The following WDFY2 variants were observed in gnomAD, a reference collection of about 807,000 sequenced individuals.
WDFY2 encodes WD repeat and FYVE domain-containing protein 2.
WDFY2 carries 36 observed loss-of-function variants against 56.4 expected under a neutral mutation model. The ratio of observed to expected loss-of-function variants is 0.64; its 90% CI spans 0.49 to 0.84. WDFY2 has a LOEUF of 0.84. Ranked by LOEUF, WDFY2 falls within the 40% of genes least tolerant of loss-of-function variation. The pLI is 0.00. For synonymous variants in WDFY2, 176 were observed against 183.7 expected (o/e 0.96, Z 0.34); for missense variants, 444 against 512.2 (o/e 0.87, Z 1.29).
intron 1 of WDFY2, among the ~76,000 whole-genome samples, chr13:51,657,554 C>T (rs1308792120): frequency 3.3e-5 from 5 of 152,310 alleles, no homozygotes; most frequent in South Asian, 2.1e-4. Context: ...ATAGAGAATT[C>T]ATCTGTCTTA....
chr13:51,653,958 C>T (rs1955457190), intron 1 of WDFY2, among the ~76,000 whole-genome samples: 1 of 152,212 alleles, frequency 6.6e-6, no homozygotes, highest in African/African-American at 2.4e-5. Context: ...TGTAAGTCTG[C>T]AGAGGTTTCT....
intron 1 of WDFY2, among the ~76,000 whole-genome samples, chr13:51,624,264 T>G (rs947009950): frequency 6.6e-6 from 1 of 152,228 alleles, no homozygotes; most frequent in Non-Finnish European, 1.5e-5. Flanking sequence ...ACTGATTATT[T>G]ATAGTTAAAT....
chr13:51,584,888 G>GT (rs1445424683), intron 1 of WDFY2, 64 bp downstream of exon 1: 6 of 1,595,438 alleles, frequency 3.8e-6, no homozygotes, highest in Non-Finnish European at 1.7e-6. Flanking sequence ...TCGAGCCCGC[G>GT]TCAGGGGCTG....
At chr13:51,724,082 T>C (rs1340302933) in intron 5 of WDFY2, among the ~76,000 whole-genome samples, 1 of 152,012 alleles carries the variant, frequency 6.6e-6, no homozygotes, top group Non-Finnish European at 1.5e-5. Context: ...TTTTGAGCAC[T>C]ATTATGAAAT....
At chr13:51,706,322 T>C (rs1952081709) in intron 4 of WDFY2, among the ~76,000 whole-genome samples, 1 of 152,178 alleles carries the variant, frequency 6.6e-6, no homozygotes, top group Non-Finnish European at 1.5e-5. Context: ...GATACACATA[T>C]AATCTGTCAT....
intron 2 of WDFY2, among the ~76,000 whole-genome samples, chr13:51,669,692 A>C (rs1955773869): frequency 3.9e-5 from 6 of 152,216 alleles, no homozygotes; most frequent in Admixed American, 3.3e-4. Context: ...AGGAAGCTAG[A>C]ATATAACATC....
chr13:51,611,394 AAAG>A (rs1954501088), intron 1 of WDFY2, among the ~76,000 whole-genome samples: 1 of 152,256 alleles, frequency 6.6e-6, no homozygotes, highest in African/African-American at 2.4e-5. Flanking sequence ...TTTTTTAAAA[AAAG>A]AATATCCTTT....
chr13:51,600,666 C>T (rs1954257282), intron 1 of WDFY2, among the ~76,000 whole-genome samples: 1 of 152,046 alleles, frequency 6.6e-6, no homozygotes, highest in Non-Finnish European at 1.5e-5. Context: ...AGTCATGTTG[C>T]AGGGATATGG....
rs554479139 is a variant in WDFY2, at chr13:51,653,246, T to G, written c.138-7350T>G. On this transcript the variant is annotated intron_variant, in intron 1 of 11. Coordinates refer to ENST00000298125, the MANE Select transcript of WDFY2 (RefSeq NM_052950.4). Reference sequence around the variant, plus strand: ...TCACGTAGTTCTCGTGCCGTGGTTTTCAGCTCCATCAGGTCCTTTAAGGAC... The same window carrying G: ...TCACGTAGTTCTCGTGCCGTGGTTTGCAGCTCCATCAGGTCCTTTAAGGAC... Among the ~76,000 whole-genome samples, 464 of 152,348 alleles carry G rather than the reference T, an allele frequency of 3.0e-3. 3 individuals carry two copies. The highest frequency in any genetic ancestry group is 5.0e-3 in the Non-Finnish European group (343 of 68,030).
intron 4 of WDFY2, among the ~76,000 whole-genome samples, chr13:51,710,871 A>G (rs11616240): frequency 0.039 from 5,930 of 152,228 alleles, 134 homozygotes; most frequent in Middle Eastern, 0.068. Flanking sequence ...GCCCAGGGTA[A>G]TTTATATATT....
Position 51,758,184 on chromosome 13 carries a change from C to T in WDFY2, c.1065-8C>T. ...TTTCCCCTCAGAAGCTTTCTTTGCTCCTTCTAGACGTGCACCCACAGCCAC... is the reference window on the plus strand; with the variant it reads ...TTTCCCCTCAGAAGCTTTCTTTGCTTCTTCTAGACGTGCACCCACAGCCAC... On this transcript the variant is annotated splice_polypyrimidine_tract_variant and splice_region_variant and intron_variant, in intron 10 of 11. Transcript: ENST00000298125. 6.5e-7 allele frequency: 1 copy of T among 1,544,444 alleles called. No individual in the cohort carries two copies. Among genetic ancestry groups the T allele is most frequent in the East Asian group, 2.3e-5 (1 of 43,922 alleles).
At chr13:51,673,632 G>T (rs1223867566) in intron 2 of WDFY2, among the ~76,000 whole-genome samples, 1 of 151,980 alleles carries the variant, frequency 6.6e-6, no homozygotes, top group Non-Finnish European at 1.5e-5. Context: ...TTTTCCATGA[G>T]ATTATTAGAT....
At position 51,584,781 on chromosome 13, in the gene WDFY2, A is replaced by C. The variant is rs1333103353; in HGVS notation, c.94A>C (p.Ile32Leu). 1 of 1,613,922 alleles carries C rather than the reference A, an allele frequency of 6.2e-7. No homozygotes were observed. The highest frequency in any genetic ancestry group is 2.2e-5 in the East Asian group (1 of 44,872). ...GSQEVVNMAV[I>L]VPKEEGVISV... ...CCAGGAGGTGGTGAATATGGCCGTG[A>C]TCGTGCCCAAAGAGGAGGGCGTCAT... The change falls in exon 1 of 12, where the codon ATC (isoleucine) becomes CTC (leucine). Residue 32 changes from isoleucine to leucine, a missense_variant. Ile to Leu is a conservative substitution (Grantham distance 5). Transcript: ENST00000298125.
At chr13:51,598,150 A>G (rs1459467551) in intron 1 of WDFY2, among the ~76,000 whole-genome samples, 1 of 152,156 alleles carries the variant, frequency 6.6e-6, no homozygotes, top group African/African-American at 2.4e-5. Flanking sequence ...ACCTGAGTTC[A>G]GGAGTTCGAG....
intron 1 of WDFY2, chr13:51,588,922 A>G (rs975228586): frequency 6.6e-6 from 1 of 152,170 alleles, no homozygotes; most frequent in African/African-American, 2.4e-5. Flanking sequence ...AGGAGGCTGT[A>G]GGAGAGATAA....
chr13:51,743,598 G>A lies in WDFY2; in HGVS notation c.725+4423G>A, dbSNP rs889202344. Among the ~76,000 whole-genome samples, 7 of 152,180 alleles carry A rather than the reference G, an allele frequency of 4.6e-5. No individual in the cohort carries two copies. The East Asian group carries it at 1.3e-3, about 29-fold the overall frequency. On this transcript the variant is annotated intron_variant, in intron 7 of 11. Coordinates refer to ENST00000298125, the MANE Select transcript of WDFY2 (RefSeq NM_052950.4). The stretch of plus-strand genomic sequence containing the variant: ...GTTTCTCTCTGTAGAATTTCCTATG[G>A]AAATATTAACATATATTCATAACTC...
At chr13:51,704,879 T>C (rs1952052251) in intron 4 of WDFY2, among the ~76,000 whole-genome samples, 1 of 152,248 alleles carries the variant, frequency 6.6e-6, no homozygotes. Flanking sequence ...GAAAATATGA[T>C]ACCCTGTGGT....
intron 1 of WDFY2, among the ~76,000 whole-genome samples, chr13:51,613,752 G>A (rs8001480): frequency 0.093 from 14,082 of 152,054 alleles, 942 homozygotes; most frequent in Admixed American, 0.2. Context: ...CATGTGGTGT[G>A]CTGATAAGGG....
At chr13:51,662,133 G>A (rs559924732) in intron 2 of WDFY2, among the ~76,000 whole-genome samples, 2 of 152,040 alleles carry the variant, frequency 1.3e-5, no homozygotes, top group Non-Finnish European at 2.9e-5. Context: ...ACCACACCCA[G>A]CTAATTTTTG....
Sources: allele counts gnomAD v4.1 joint callset (sites outside exome capture counted in the v4.1 genomes callset), GRCh38; gene constraint gnomAD v4.1.1; transcripts MANE v1.5; gene names NCBI Gene and HGNC (gene_info 2026-07-23, HGNC 2026-07-21).